Variants in PTCHD1 observed in about 807,000 individuals in gnomAD.
The protein encoded by PTCHD1 is patched domain-containing protein 1.
PTCHD1 carries 3 observed loss-of-function variants against 34.6 expected under a neutral mutation model. The observed-to-expected ratio is 0.09, with a 90% CI of 0.04 to 0.22. The LOEUF (loss-of-function observed/expected upper bound fraction) is 0.22, where lower values mean the gene tolerates loss of function less well. Ranked by LOEUF, PTCHD1 falls within the 10% of genes least tolerant of loss-of-function variation. The pLI, the probability that PTCHD1 is intolerant of heterozygous loss-of-function variation, is 1.00. For synonymous variants in PTCHD1, 305 were observed against 283.1 expected (o/e 1.08, Z -0.77); for missense variants, 504 against 685.5 (o/e 0.74, Z 2.96).
intron 1 of PTCHD1, among the ~76,000 whole-genome samples, chrX:23,346,752 G>T (rs1007141392): frequency 1.1e-4 from 12 of 111,804 alleles, no homozygotes; most frequent in Admixed American, 9.4e-4. Context: ...CCACAGGGAG[G>T]ACCCTGGCAA....
chrX:23,381,267 G>T (rs1034804823), intron 2 of PTCHD1, among the ~76,000 whole-genome samples: 1 of 112,325 alleles, frequency 8.9e-6, no homozygotes, highest in African/African-American at 3.2e-5. Flanking sequence ...AGCCATAGTG[G>T]CCATAACATC....
At chrX:23,379,510 A>G (rs1922498488) in intron 1 of PTCHD1, 81 bp from the exon 2 acceptor site, 1 of 989,560 alleles carries the variant, frequency 1.0e-6, no homozygotes, top group African/African-American at 1.9e-5. Flanking sequence ...TGTTTAGCTT[A>G]GAGACGGAAT....
At chrX:23,363,236 C>T (rs1922039050) in intron 1 of PTCHD1, among the ~76,000 whole-genome samples, 1 of 112,877 alleles carries the variant, frequency 8.9e-6, no homozygotes, top group South Asian at 3.7e-4. Context: ...GCCTTTTGTT[C>T]AGCTATGCCC....
In PTCHD1 at chrX:23,365,523, A is replaced by C. The variant is rs184897004; in HGVS notation, c.352-14068A>C. ...AGAGAAAGAAAGAGGAAGGAGCCTA[A>C]AAGGGCATATAATTAAGCAGGCCAC... On this transcript the variant is annotated intron_variant, in intron 1 of 2. Transcript: ENST00000379361. Among the ~76,000 whole-genome samples the C allele has an allele frequency of 9.0e-5, 10 of 111,318 alleles. No individual in the cohort carries two copies. In the East Asian group the frequency reaches 2.5e-3, roughly 28 times the overall value.
intron 1 of PTCHD1, among the ~76,000 whole-genome samples, chrX:23,378,263 G>A (rs1462647575): frequency 1.8e-5 from 2 of 111,566 alleles, no homozygotes; most frequent in Non-Finnish European, 3.8e-5. Context: ...ACAGTGATGA[G>A]CCCCGCCATT....
At chrX:23,341,362 G>A (rs1406375273) in intron 1 of PTCHD1, among the ~76,000 whole-genome samples, 1 of 112,434 alleles carries the variant, frequency 8.9e-6, no homozygotes, top group Non-Finnish European at 1.9e-5. Flanking sequence ...GGAGAAGTAA[G>A]CTAACAGAAG....
At chrX:23,381,278 G>A (rs1922558116) in intron 2 of PTCHD1, among the ~76,000 whole-genome samples, 1 of 112,273 alleles carries the variant, frequency 8.9e-6, no homozygotes, top group Non-Finnish European at 1.9e-5. Flanking sequence ...CCATAACATC[G>A]GTTGCCCTGT....
chrX:23,392,790 C>T lies in PTCHD1; in HGVS notation c.1272C>T (p.Ser424=), dbSNP rs1922871126. Residue 424 remains serine, a synonymous_variant, in exon 3 of 3, where the codon AGC becomes AGT. Coordinates refer to ENST00000379361, the MANE Select transcript of PTCHD1 (RefSeq NM_173495.3). The part of the protein sequence containing the change: ...YLYVLSFYGS[S]LVFTGYIENN... Reference sequence around the variant, plus strand: ...ATGTACTCTCGTTTTATGGTTCCAGCCTAGTGTTCACTGGCTACATAGAAA... The same window carrying T: ...ATGTACTCTCGTTTTATGGTTCCAGTCTAGTGTTCACTGGCTACATAGAAA... 1 of 1,210,361 alleles carries T rather than the reference C, an allele frequency of 8.3e-7. No individual in the cohort carries two copies. Among genetic ancestry groups the T allele is most frequent in the Admixed American group, 2.2e-5 (1 of 45,829 alleles).
chrX:23,345,748 C>G (rs929960102), intron 1 of PTCHD1, among the ~76,000 whole-genome samples: 12 of 111,569 alleles, frequency 1.1e-4, no homozygotes, highest in African/African-American at 3.9e-4. Flanking sequence ...GGACTACTTC[C>G]AAAAATGCAG....
chrX:23,363,741 C>T (rs938046907), intron 1 of PTCHD1, among the ~76,000 whole-genome samples: 22 of 112,647 alleles, frequency 2.0e-4, no homozygotes. Context: ...ACGTCGATCA[C>T]GCTGTGTGCT....
chrX:23,394,268 C>A lies in PTCHD1; in HGVS notation c.*83C>A. 2.4e-6 allele frequency: 1 copy of A among 420,849 alleles called. No homozygotes were observed. The highest frequency in any genetic ancestry group is 5.6e-5 in the East Asian group (1 of 17,965). The allele number at this position is 420,849 out of a possible 1,213,427, so 34.7% of individuals were successfully genotyped here. Reference sequence around the variant, plus strand: ...TAATGAAACAATTAAATTCAAAGTTCTTCCCTTTTTTAAAGATAGGAAACA... The same window carrying A: ...TAATGAAACAATTAAATTCAAAGTTATTCCCTTTTTTAAAGATAGGAAACA... On this transcript the variant is annotated 3_prime_UTR_variant, in exon 3 of 3. Transcript: ENST00000379361.
Position 23,396,396 on chromosome X carries a change from G to C in PTCHD1, c.*2211G>C, listed in dbSNP as rs1922991249. The C allele has an allele frequency of 1.8e-5, 2 of 111,989 alleles. No individual in the cohort carries two copies. The highest frequency in any genetic ancestry group is 6.5e-5 in the African/African-American group (2 of 30,813). 9.2% of individuals were successfully genotyped at this position (111,989 alleles called of 1,213,427 possible). ...TCTCTCTCCAAGGGGCCCGCAACTA[G>C]GCTATTATTCATAAAACACAACTGA... On this transcript the variant is annotated 3_prime_UTR_variant, in exon 3 of 3. Transcript: ENST00000379361.
intron 1 of PTCHD1, among the ~76,000 whole-genome samples, chrX:23,371,157 G>A: frequency 8.9e-6 from 1 of 111,960 alleles, no homozygotes; most frequent in Non-Finnish European, 1.9e-5. Context: ...ACCTTTTATA[G>A]GTAATCATAA....
chrX:23,335,996 G>A (rs1183491261), intron 1 of PTCHD1, among the ~76,000 whole-genome samples: 1 of 111,971 alleles, frequency 8.9e-6, no homozygotes, highest in Non-Finnish European at 1.9e-5. Context: ...ATCTGAGCAT[G>A]GGGGTGAGGG....
intron 2 of PTCHD1, among the ~76,000 whole-genome samples, chrX:23,391,391 G>C (rs1175283682): frequency 1.8e-5 from 2 of 111,046 alleles, no homozygotes. Context: ...AAGACAAATT[G>C]CAAGTCATAA....
chrX:23,340,732 ATCTTC>A (rs1343576900), intron 1 of PTCHD1, among the ~76,000 whole-genome samples: 6 of 112,336 alleles, frequency 5.3e-5, no homozygotes, highest in Non-Finnish European at 9.4e-5. Context: ...TGATGCTAGA[ATCTTC>A]TCTTAGCATC....
chrX:23,365,187 C>T (rs1351703901), intron 1 of PTCHD1, among the ~76,000 whole-genome samples: 1 of 111,916 alleles, frequency 8.9e-6, no homozygotes, highest in Non-Finnish European at 1.9e-5. Context: ...CTACTGTGTT[C>T]ATCGTCATAA....
intron 1 of PTCHD1, among the ~76,000 whole-genome samples, chrX:23,363,930 C>T (rs1204892963): frequency 4.5e-5 from 5 of 112,308 alleles, no homozygotes; most frequent in African/African-American, 1.6e-4. Flanking sequence ...TAAAGAACAA[C>T]CAAACTGGAA....
intron 1 of PTCHD1, among the ~76,000 whole-genome samples, chrX:23,359,135 C>T (rs1921898213): frequency 8.9e-6 from 1 of 112,155 alleles, no homozygotes; most frequent in South Asian, 3.7e-4. Context: ...ATGCAGGCTC[C>T]TTTTTGGTTC....
Sources: allele counts gnomAD v4.1 joint callset (sites outside exome capture counted in the v4.1 genomes callset), GRCh38; gene constraint gnomAD v4.1.1; transcripts MANE v1.5; gene names NCBI Gene and HGNC (gene_info 2026-07-23, HGNC 2026-07-21).